The following MAPK8IP3 variants were observed in gnomAD, a reference collection of about 807,000 sequenced individuals.
MAPK8IP3 encodes the protein C-Jun-amino-terminal kinase-interacting protein 3.
A neutral mutation model predicts 157.8 loss-of-function variants in MAPK8IP3; 49 were observed. That is an observed-to-expected ratio of 0.31 (90% CI 0.25 to 0.39). The LOEUF (loss-of-function observed/expected upper bound fraction) is 0.39. Among genes scored for constraint, MAPK8IP3 ranks in the 10% least tolerant of loss-of-function variants. MAPK8IP3 has a pLI of 1.00. For missense variants in MAPK8IP3, 1,478 were observed against 1,889.4 expected, an observed-to-expected ratio of 0.78 and a Z score of 4.04; for synonymous variants, 897 against 777.7, an observed-to-expected ratio of 1.15 and a Z score of -2.55.
At chr16:1,763,182 G>T (rs1005099374) in intron 16 of MAPK8IP3, among the ~76,000 whole-genome samples, 176 bp downstream of exon 16, 2 of 152,206 alleles carry the variant, frequency 1.3e-5, no homozygotes, top group African/African-American at 4.8e-5. Flanking sequence ...CTGCAGCGGG[G>T]AGCTGGGCTG....
At chr16:1,755,287 A>G (rs1272412418) in intron 8 of MAPK8IP3, among the ~76,000 whole-genome samples, 1 of 152,218 alleles carries the variant, frequency 6.6e-6, no homozygotes, top group Non-Finnish European at 1.5e-5. Context: ...CTGCTGGTGT[A>G]AAATGAAGTC....
Position 1,763,689 on chromosome 16 carries a change from A to G in MAPK8IP3, c.1931A>G (p.Lys644Arg). 1.9e-6 allele frequency: 3 copies of G among 1,593,342 alleles called. No individual in the cohort carries two copies. The highest frequency in any genetic ancestry group is 2.3e-5 in the South Asian group (2 of 88,886). The part of the protein sequence containing the change: ...DCTSSARREQ[K>R]REQYRQVREH... ...ACGTCCTCCGCCCGTCGAGAGCAGA[A>G]GCGCGAGCAGTACCGCCAGGTGCGT... The change falls in exon 17 of 32, where the codon AAG becomes AGG. Residue 644 changes from lysine to arginine, a missense_variant. Around this residue, in one of 11 missense-constraint regions of MAPK8IP3, gnomAD observed 669 missense variants for 759.8 expected, o/e 0.88. Coordinates refer to ENST00000610761, the MANE Select transcript of MAPK8IP3 (RefSeq NM_001318852.2).
chr16:1,743,751 A>G lies in MAPK8IP3; in HGVS notation c.747+275A>G. The G allele has an allele frequency of 7.5e-7, 1 of 1,341,156 alleles. No individual in the cohort carries two copies. Among genetic ancestry groups the G allele is most frequent in the South Asian group, 1.8e-5 (1 of 55,166 alleles). 83.1% of individuals were successfully genotyped at this position (1,341,156 alleles called of 1,614,324 possible). On this transcript the variant is annotated intron_variant, in intron 5 of 31. Coordinates refer to ENST00000610761, the MANE Select transcript of MAPK8IP3 (RefSeq NM_001318852.2). The surrounding 1 kb of genome is among the most constrained non-coding windows in gnomAD (Gnocchi z 5.6). ...CCTGCCCTTGGATAGACCGCTCTGT[A>G]GCCAGGGGTGTACAGTGCCTGTCAG... is the stretch of plus-strand genomic sequence containing the variant.
chr16:1,749,732 G>A (rs754220544), intron 8 of MAPK8IP3, among the ~76,000 whole-genome samples: 10 of 152,320 alleles, frequency 6.6e-5, no homozygotes, highest in Admixed American at 5.9e-4. Flanking sequence ...CCCCCAGCCC[G>A]CAGGGTGAGA....
At chr16:1,763,993 A>C (rs1272008974) in intron 17 of MAPK8IP3, 122 bp from the exon 18 acceptor site, 4 of 1,116,736 alleles carry the variant, frequency 3.6e-6, no homozygotes, top group Admixed American at 2.7e-5. Flanking sequence ...CCACGCCCCC[A>C]CCTGCCTCCA....
intron 1 of MAPK8IP3, among the ~76,000 whole-genome samples, chr16:1,717,650 A>G (rs1288180574): frequency 2.6e-5 from 4 of 152,260 alleles, no homozygotes; most frequent in African/African-American, 7.2e-5. Context: ...CACCTTCAGT[A>G]GGTCTCTGGG....
At chr16:1,711,707 C>T (rs13337540) in intron 1 of MAPK8IP3, among the ~76,000 whole-genome samples, 5 of 152,100 alleles carry the variant, frequency 3.3e-5, no homozygotes, top group East Asian at 1.9e-4. Context: ...TTTGAAAGGC[C>T]GAGGCGGGTG....
At position 1,706,283 on chromosome 16, in the gene MAPK8IP3, G is replaced by A. The variant is rs1187327411; in HGVS notation, c.-57G>A. 37 of 1,463,344 alleles carry A rather than the reference G, an allele frequency of 2.5e-5. No homozygotes were observed. The highest frequency in any genetic ancestry group is 3.2e-5 in the Non-Finnish European group (35 of 1,103,924). 90.6% of individuals were successfully genotyped at this position (1,463,344 alleles called of 1,614,324 possible). On this transcript the variant is annotated 5_prime_UTR_variant, in exon 1 of 32. Coordinates refer to ENST00000610761, the MANE Select transcript of MAPK8IP3 (RefSeq NM_001318852.2). The surrounding 1 kb of genome is among the most constrained non-coding windows in gnomAD (Gnocchi z 5.1). ...GGCCTGCGGAACCTGAGGCAGCTGG[G>A]GAGGGCCGGGCGCGCCGGCCGGATA...
chr16:1,721,188 C>G (rs1410337610), intron 1 of MAPK8IP3, among the ~76,000 whole-genome samples: 1 of 151,024 alleles, frequency 6.6e-6, no homozygotes, highest in East Asian at 1.9e-4. Flanking sequence ...AATACATTAG[C>G]TGGATGTGGT....
At chr16:1,737,246 CCGTGTGAGCGTCCGTGTGAG>C (rs2040018876) in intron 4 of MAPK8IP3, among the ~76,000 whole-genome samples, 5 of 72,348 alleles carry the variant, frequency 6.9e-5, no homozygotes, top group Admixed American at 1.6e-4. Context: ...ATCCGTGTGA[CCGTGTGAGCGTCCGTGTGAG>C]CGTGTGAGCG....
intron 4 of MAPK8IP3, among the ~76,000 whole-genome samples, chr16:1,737,037 C>T (rs1192966642): frequency 3.5e-5 from 2 of 56,478 alleles, no homozygotes; most frequent in Non-Finnish European, 6.6e-5. Context: ...TCCATGTGAG[C>T]ATCCGTGTGA....
intron 4 of MAPK8IP3, among the ~76,000 whole-genome samples, chr16:1,733,311 C>T (rs1028605457): frequency 1.3e-5 from 2 of 152,240 alleles, no homozygotes; most frequent in Admixed American, 6.5e-5. Flanking sequence ...GAACTCAGGA[C>T]GCCGGCCGAG....
At chr16:1,709,262 G>A (rs2037599247) in intron 1 of MAPK8IP3, among the ~76,000 whole-genome samples, 1 of 152,226 alleles carries the variant, frequency 6.6e-6, no homozygotes, top group Non-Finnish European at 1.5e-5. Flanking sequence ...AGAGTGACAG[G>A]AGCTAGAGAG....
intron 3 of MAPK8IP3, 29 bp downstream of exon 3, chr16:1,729,237 G>A (rs372618380): frequency 8.7e-6 from 14 of 1,612,312 alleles, no homozygotes; most frequent in Middle Eastern, 3.3e-4. Context: ...GCGCGGAGAC[G>A]AGGGTTGGAG....
At chr16:1,715,529 A>G (rs2038090247) in intron 1 of MAPK8IP3, among the ~76,000 whole-genome samples, 1 of 152,194 alleles carries the variant, frequency 6.6e-6, no homozygotes, top group African/African-American at 2.4e-5. Flanking sequence ...TGCCTGCTTA[A>G]GATAAAAGAC....
intron 8 of MAPK8IP3, among the ~76,000 whole-genome samples, chr16:1,755,466 T>G (rs1470228189): frequency 6.6e-6 from 1 of 152,124 alleles, no homozygotes; most frequent in Non-Finnish European, 1.5e-5. Context: ...AAGGATATAG[T>G]GAGCCATGAT....
At position 1,762,896 on chromosome 16, in the gene MAPK8IP3, G is replaced by A. The variant is rs975721629; in HGVS notation, c.1788G>A (p.Ser596=). ...CTCCGGCCAAGCGCCCCTATCCCTCGGTGAACATCCACTACAAGTCACCCA... is the reference window on the plus strand; with the variant it reads ...CTCCGGCCAAGCGCCCCTATCCCTCAGTGAACATCCACTACAAGTCACCCA... ...SPPPAKRPYP[S]VNIHYKSPTT... is the part of the protein sequence containing the mutation. The change falls in exon 16 of 32, where the codon TCG becomes TCA. Residue 596 remains serine (S), a synonymous_variant. Coordinates refer to ENST00000610761, the MANE Select transcript of MAPK8IP3 (RefSeq NM_001318852.2). The A allele has an allele frequency of 1.7e-5, 28 of 1,612,896 alleles. No homozygotes were observed. Among genetic ancestry groups the A allele is most frequent in the Non-Finnish European group, 2.2e-5 (26 of 1,179,966 alleles).
chr16:1,730,639 C>G (rs528342058), intron 4 of MAPK8IP3, among the ~76,000 whole-genome samples: 52 of 152,158 alleles, frequency 3.4e-4, no homozygotes, highest in African/African-American at 6.7e-4. Context: ...GTCAGGAGAT[C>G]GAGACCATCC....
chr16:1,728,006 C>G (rs1357023913), intron 2 of MAPK8IP3, among the ~76,000 whole-genome samples: 1 of 152,256 alleles, frequency 6.6e-6, no homozygotes, highest in African/African-American at 2.4e-5. Flanking sequence ...CACGCACTCC[C>G]TGGGGCTGTC....
Sources: allele counts gnomAD v4.1 joint callset (sites outside exome capture counted in the v4.1 genomes callset), GRCh38; gene constraint gnomAD v4.1.1; regional missense constraint gnomAD v4.1.1; non-coding constraint Gnocchi (gnomAD v3.1); transcripts MANE v1.5; gene names NCBI Gene and HGNC (gene_info 2026-07-23, HGNC 2026-07-21).